PLCL2: variants seen among roughly 807,000 people sequenced by gnomAD.
PLCL2 encodes phospholipase C like 2.
PLCL2 carries 4 observed loss-of-function variants against 79.6 expected under a neutral mutation model. The observed-to-expected ratio is 0.05, with a 90% CI of 0.02 to 0.11. The LOEUF (loss-of-function observed/expected upper bound fraction) is 0.11, where lower values mean the gene tolerates loss of function less well. PLCL2 is among the 10% of genes least tolerant of loss of function. PLCL2 has a pLI of 1.00. For synonymous variants in PLCL2, 484 were observed against 457.7 expected, an observed-to-expected ratio of 1.06 and a Z score of -0.73; for missense variants, 895 against 1,291.0, an observed-to-expected ratio of 0.69 and a Z score of 4.70.
intron 4 of PLCL2, among the ~76,000 whole-genome samples, chr3:17,049,005 A>G (rs1464758358): frequency 6.6e-6 from 1 of 152,160 alleles, no homozygotes; most frequent in African/African-American, 2.4e-5. Flanking sequence ...GAAATCCAGC[A>G]TAAGGACTGT....
At chr3:17,051,277 A>C (rs1009899703) in intron 4 of PLCL2, among the ~76,000 whole-genome samples, 50 of 152,114 alleles carry the variant, frequency 3.3e-4, no homozygotes, top group Admixed American at 2.6e-3. Context: ...TAATAATTTT[A>C]TTGTACATTT....
At chr3:16,902,770 T>A (rs1333506900) in intron 1 of PLCL2, among the ~76,000 whole-genome samples, 1 of 145,212 alleles carries the variant, frequency 6.9e-6, no homozygotes, top group African/African-American at 2.6e-5. Flanking sequence ...GAGGTTATAG[T>A]GAGCTGAGAT....
In PLCL2 at chr3:16,903,281, A is replaced by T. The variant is rs188863025; in HGVS notation, c.327+17915A>T. On this transcript the variant is annotated intron_variant, in intron 1 of 5. Coordinates refer to ENST00000615277, the MANE Select transcript of PLCL2 (RefSeq NM_001144382.2). Reference sequence around the variant, plus strand: ...TTATTTTGAAGTTTATTTGAAAAAAATTATTTTTTATGCCAAAGATGTTAC... The same window carrying T: ...TTATTTTGAAGTTTATTTGAAAAAATTTATTTTTTATGCCAAAGATGTTAC... Among the ~76,000 whole-genome samples, 1,180 of 151,814 alleles carry T rather than the reference A, an allele frequency of 7.8e-3. 17 individuals carry two copies. Among genetic ancestry groups the T allele is most frequent in the African/African-American group, 0.027 (1,106 of 41,222 alleles).
intron 3 of PLCL2, among the ~76,000 whole-genome samples, chr3:17,023,479 A>G (rs1344184150): frequency 6.6e-6 from 1 of 152,148 alleles, no homozygotes; most frequent in East Asian, 1.9e-4. Context: ...TGTGATAGTG[A>G]ATAAGTCTCA....
intron 5 of PLCL2, among the ~76,000 whole-genome samples, chr3:17,080,020 C>G (rs540491958): frequency 1.3e-5 from 2 of 152,174 alleles, no homozygotes; most frequent in African/African-American, 4.8e-5. Context: ...CCCTTCATCC[C>G]CCTCTGGCAG....
At chr3:17,065,504 G>T (rs930559593) in intron 4 of PLCL2, among the ~76,000 whole-genome samples, 10 of 152,154 alleles carry the variant, frequency 6.6e-5, no homozygotes, top group African/African-American at 2.4e-4. Context: ...CATTATGTGA[G>T]TTGGAATTAA....
chr3:17,015,325 A>G (rs2064372112), intron 3 of PLCL2, among the ~76,000 whole-genome samples: 1 of 152,184 alleles, frequency 6.6e-6, no homozygotes, highest in African/African-American at 2.4e-5. Flanking sequence ...GCCATGAGGG[A>G]CAGGTGCCTG....
intron 1 of PLCL2, among the ~76,000 whole-genome samples, chr3:16,979,081 A>G (rs9870977): frequency 0.32 from 49,216 of 152,050 alleles, 8,304 homozygotes; most frequent in African/African-American, 0.33. Flanking sequence ...GTAAGCCGCT[A>G]GACCATTCTA....
intron 4 of PLCL2, among the ~76,000 whole-genome samples, chr3:17,048,863 A>G (rs113229102): frequency 0.014 from 2,136 of 152,310 alleles, 58 homozygotes; most frequent in African/African-American, 0.049. Context: ...TGGGACCTAT[A>G]TGAAGTGCCA....
chr3:16,889,177 C>CT (rs1208692224), intron 1 of PLCL2, among the ~76,000 whole-genome samples: 2 of 152,216 alleles, frequency 1.3e-5, no homozygotes, highest in Admixed American at 1.3e-4. Context: ...CCGTAATTCT[C>CT]TGACTTGGTC....
At chr3:17,074,415 C>T (rs760527835) in intron 5 of PLCL2, among the ~76,000 whole-genome samples, 1 of 152,134 alleles carries the variant, frequency 6.6e-6, no homozygotes, top group African/African-American at 2.4e-5. Flanking sequence ...TTATAGAGCA[C>T]GGGCAGAGTA....
intron 1 of PLCL2, among the ~76,000 whole-genome samples, chr3:16,903,083 G>A (rs537408395): frequency 3.3e-5 from 5 of 152,200 alleles, no homozygotes; most frequent in African/African-American, 1.2e-4. Context: ...TAGGAATTGG[G>A]CATATTTGCA....
chr3:16,890,172 A>T (rs1244817719), intron 1 of PLCL2, among the ~76,000 whole-genome samples: 2 of 152,214 alleles, frequency 1.3e-5, no homozygotes, highest in African/African-American at 4.8e-5. Context: ...AGCAGAGTAT[A>T]TTAATTTTCA....
chr3:16,917,004 G>A (rs1697011804), intron 1 of PLCL2, among the ~76,000 whole-genome samples: 1 of 152,162 alleles, frequency 6.6e-6, no homozygotes, highest in Non-Finnish European at 1.5e-5. Context: ...AGTTTCCTCA[G>A]TAGGTTGCCT....
chr3:16,927,965 C>A (rs1404559743), intron 1 of PLCL2, among the ~76,000 whole-genome samples: 1 of 152,212 alleles, frequency 6.6e-6, no homozygotes, highest in African/African-American at 2.4e-5. Flanking sequence ...TTGACAGCAG[C>A]CCGTTTTTCA....
intron 1 of PLCL2, among the ~76,000 whole-genome samples, chr3:16,939,135 T>C: frequency 6.6e-6 from 1 of 152,058 alleles, no homozygotes; most frequent in East Asian, 1.9e-4. Flanking sequence ...TCCCTGTAGA[T>C]AGCAAAGGGT....
rs147715839 is a variant in PLCL2 at position 16,938,085 on chromosome 3, G to A, written c.327+52719G>A. 3.3e-3 allele frequency among the ~76,000 whole-genome samples: 499 copies of A among 152,260 alleles called. 3 individuals are homozygous for A. The highest frequency in any genetic ancestry group is 0.02 in the Middle Eastern group (6 of 294). ...CAATCGTGTTAAATCATTGTTACAT[G>A]TATTTTTACTAATTACTGAACTGGA... On this transcript the variant is annotated intron_variant, in intron 1 of 5. Transcript: ENST00000615277.
intron 1 of PLCL2, among the ~76,000 whole-genome samples, chr3:16,996,397 A>C (rs1448410196): frequency 6.6e-6 from 1 of 152,118 alleles, no homozygotes; most frequent in Admixed American, 6.5e-5. Flanking sequence ...TCCAGCCTCC[A>C]GCTGGACACC....
intron 4 of PLCL2, among the ~76,000 whole-genome samples, chr3:17,044,521 T>C (rs1222207248): frequency 6.6e-6 from 1 of 152,224 alleles, no homozygotes; most frequent in African/African-American, 2.4e-5. Context: ...TATTGTGTAT[T>C]TTATTAATGC....
Sources: allele counts gnomAD v4.1 joint callset (sites outside exome capture counted in the v4.1 genomes callset), GRCh38; gene constraint gnomAD v4.1.1; transcripts MANE v1.5; gene names NCBI Gene and HGNC (gene_info 2026-07-23, HGNC 2026-07-21).